KCNQ1: variants seen among roughly 807,000 people sequenced by gnomAD.
The protein encoded by KCNQ1 is potassium voltage-gated channel subfamily Q member 1.
KCNQ1 carries 49 observed loss-of-function variants against 72.4 expected under a neutral mutation model. The observed-to-expected ratio is 0.68, with a 90% CI of 0.54 to 0.86. KCNQ1 has a LOEUF of 0.86. KCNQ1 is among the 40% of genes least tolerant of loss of function. KCNQ1 has a pLI of 0.00. For synonymous variants in KCNQ1, 450 were observed against 412.6 expected (o/e 1.09, Z -1.10); for missense variants, 790 against 945.1 (o/e 0.84, Z 2.15).
intron 11 of KCNQ1, among the ~76,000 whole-genome samples, chr11:2,755,272 G>T (rs1339298546): frequency 6.6e-6 from 1 of 152,070 alleles, no homozygotes; most frequent in Non-Finnish European, 1.5e-5. Flanking sequence ...TGTTGTTGTT[G>T]TATGGTTTTG....
chr11:2,738,048 G>A (rs948116565), intron 11 of KCNQ1, among the ~76,000 whole-genome samples: 1 of 152,212 alleles, frequency 6.6e-6, no homozygotes, highest in Non-Finnish European at 1.5e-5. Flanking sequence ...ACTGCTGGGA[G>A]GGGCCGAGCC....
intron 10 of KCNQ1, chr11:2,637,335 C>T (rs1172995718): frequency 6.6e-6 from 1 of 152,166 alleles, no homozygotes; most frequent in Admixed American, 6.6e-5. Flanking sequence ...ATAAATTTCC[C>T]TCTACACACT....
chr11:2,820,194 C>T (rs1847701562), intron 15 of KCNQ1, among the ~76,000 whole-genome samples: 1 of 151,842 alleles, frequency 6.6e-6, no homozygotes, highest in South Asian at 2.1e-4. Flanking sequence ...TTTTTATTTT[C>T]TAAAATTGCC....
At position 2,678,788 on chromosome 11, in the gene KCNQ1, T is replaced by C. The variant is rs997601275; in HGVS notation, c.1514+16707T>C. On this transcript the variant is annotated intron_variant, in intron 11 of 15. Coordinates refer to ENST00000155840, the MANE Select transcript of KCNQ1 (RefSeq NM_000218.3). This position sits in a 1 kb window ranked among gnomAD's most constrained non-coding sequence, Gnocchi z 4.9. ...GAGGCTTCATCGTGGCAGCTAATAA[T>C]GTCAGGGAGCATGAGCACTTGTTTC... The C allele has an allele frequency of 5.8e-5, 23 of 398,468 alleles. No homozygotes were observed. Among genetic ancestry groups the C allele is most frequent in the Non-Finnish European group, 9.3e-5 (21 of 226,082 alleles). The allele number at this position is 398,468 out of a possible 1,614,324, so 24.7% of individuals were successfully genotyped here.
At chr11:2,747,041 G>C (rs551894051) in intron 11 of KCNQ1, among the ~76,000 whole-genome samples, 1 of 152,206 alleles carries the variant, frequency 6.6e-6, no homozygotes, top group Non-Finnish European at 1.5e-5. Context: ...TCTCAAAGAC[G>C]GGTGCTGTCC....
At chr11:2,625,395 A>T in intron 10 of KCNQ1, 1 of 398,628 alleles carries the variant, frequency 2.5e-6, no homozygotes, top group Non-Finnish European at 4.4e-6. Context: ...AGCTGATACT[A>T]GAGATGGGTC....
At chr11:2,838,791 C>A (rs1024283588) in intron 15 of KCNQ1, among the ~76,000 whole-genome samples, 4 of 152,140 alleles carry the variant, frequency 2.6e-5, no homozygotes, top group African/African-American at 9.7e-5. Context: ...GCTGGCTGCC[C>A]GAACAAAGTG....
Position 2,447,173 on chromosome 11 carries a change from G to A in KCNQ1, c.386+1689G>A, listed in dbSNP as rs1183410566. Reference sequence around the variant, plus strand: ...TCGCCACGCCCCAGAGGAAGTCTCTGCTTGCACTTGTGTTTTCTTCCTCAT... The same window carrying A: ...TCGCCACGCCCCAGAGGAAGTCTCTACTTGCACTTGTGTTTTCTTCCTCAT... On this transcript the variant is annotated intron_variant, in intron 1 of 15. Transcript: ENST00000155840. This position sits in a 1 kb window ranked among gnomAD's most constrained non-coding sequence, Gnocchi z 7.6. 6.6e-6 allele frequency among the ~76,000 whole-genome samples: 1 copy of A among 152,204 alleles called. No individual in the cohort carries two copies. Among genetic ancestry groups the A allele is most frequent in the African/African-American group, 2.4e-5 (1 of 41,450 alleles).
chr11:2,461,838 G>C (rs1564787580), intron 1 of KCNQ1: 1 of 725,080 alleles, frequency 1.4e-6, no homozygotes, highest in East Asian at 6.5e-5. Flanking sequence ...GAAGTACTGG[G>C]TGGGTGGAGA....
chr11:2,707,715 CTG>C (rs1564866136), intron 11 of KCNQ1, among the ~76,000 whole-genome samples: 1 of 152,226 alleles, frequency 6.6e-6, no homozygotes, highest in African/African-American at 2.4e-5. Context: ...GATGGGAAAA[CTG>C]AGGCATAGCA....
intron 10 of KCNQ1, chr11:2,649,535 T>G (rs1206682470): frequency 1.8e-5 from 7 of 398,464 alleles, no homozygotes; most frequent in Non-Finnish European, 2.2e-5. Context: ...CTCATTCTGC[T>G]TCATTTCTGA....
intron 11 of KCNQ1, among the ~76,000 whole-genome samples, chr11:2,742,648 G>A (rs1846076113): frequency 6.6e-6 from 1 of 152,222 alleles, no homozygotes; most frequent in Non-Finnish European, 1.5e-5. Flanking sequence ...CTCGGTGTTT[G>A]TCCAGGCTCT....
intron 1 of KCNQ1, among the ~76,000 whole-genome samples, chr11:2,472,106 ATG>A (rs199505141): frequency 0.03 from 4,358 of 146,996 alleles, 214 homozygotes; most frequent in African/African-American, 0.1. Flanking sequence ...GTGTGCACCT[ATG>A]TGTATAAGTG....
intron 2 of KCNQ1, among the ~76,000 whole-genome samples, chr11:2,561,208 A>AAG: frequency 6.8e-6 from 1 of 147,744 alleles, no homozygotes; most frequent in Admixed American, 7.0e-5. Context: ...CTCAAAAAAA[A>AAG]AAAAAAAGAA....
chr11:2,718,669 A>G (rs1456528508), intron 11 of KCNQ1, among the ~76,000 whole-genome samples: 3 of 152,188 alleles, frequency 2.0e-5, no homozygotes, highest in Non-Finnish European at 4.4e-5. Context: ...GTACTAGATG[A>G]CCTGGGCTAG....
intron 8 of KCNQ1, among the ~76,000 whole-genome samples, chr11:2,586,597 G>T (rs1848595607): frequency 1.3e-5 from 2 of 152,194 alleles, no homozygotes; most frequent in Non-Finnish European, 1.5e-5. Flanking sequence ...CAGGAGCAGG[G>T]CAGGGGTCAT....
Position 2,666,413 on chromosome 11 carries a change from G to A in KCNQ1, c.1514+4332G>A, listed in dbSNP as rs917346596. 13 of 398,546 alleles carry A rather than the reference G, an allele frequency of 3.3e-5. No homozygotes were observed. The South Asian group carries it at 3.8e-4, about 12-fold the overall frequency. 24.7% of individuals were successfully genotyped at this position (398,546 alleles called of 1,614,324 possible). On this transcript the variant is annotated intron_variant, in intron 11 of 15. Coordinates refer to ENST00000155840, the MANE Select transcript of KCNQ1 (RefSeq NM_000218.3). ...CAAATCCTTGAGCAAAAACAGCCCC[G>A]TGTGCGTTAATTAGAATTTCCATGT...
intron 10 of KCNQ1, chr11:2,631,567 T>C (rs1172717934): frequency 5.0e-6 from 2 of 398,450 alleles, no homozygotes; most frequent in Middle Eastern, 6.2e-4. Context: ...AGGCAATTAA[T>C]GTATCCCAAT....
intron 11 of KCNQ1, among the ~76,000 whole-genome samples, chr11:2,744,358 G>C (rs760320953): frequency 5.3e-5 from 8 of 152,240 alleles, no homozygotes; most frequent in Non-Finnish European, 7.3e-5. Flanking sequence ...TTGTGTAGCA[G>C]CTGAGCTCCT....
Sources: allele counts gnomAD v4.1 joint callset (sites outside exome capture counted in the v4.1 genomes callset), GRCh38; gene constraint gnomAD v4.1.1; non-coding constraint Gnocchi (gnomAD v3.1); transcripts MANE v1.5; gene names NCBI Gene and HGNC (gene_info 2026-07-23, HGNC 2026-07-21).